Variants in SETD3 observed in about 807,000 individuals in gnomAD.
SETD3 encodes the protein actin-histidine N-methyltransferase.
A neutral mutation model predicts 63.0 loss-of-function variants in SETD3; 19 were observed. The ratio of observed to expected loss-of-function variants is 0.30; its 90% CI spans 0.21 to 0.44. The LOEUF (loss-of-function observed/expected upper bound fraction) is 0.44. Ranked by LOEUF, SETD3 falls within the 20% of genes least tolerant of loss-of-function variation. SETD3 has a pLI of 1.00. For missense variants in SETD3, 587 were observed against 728.5 expected, an observed-to-expected ratio of 0.81 and a Z score of 2.24; for synonymous variants, 286 against 264.1, an observed-to-expected ratio of 1.08 and a Z score of -0.80.
intron 6 of SETD3, among the ~76,000 whole-genome samples, chr14:99,423,547 A>C (rs554733136): frequency 1.7e-4 from 24 of 137,460 alleles, no homozygotes; most frequent in Admixed American, 1.7e-3. Context: ...TTTCATTAGG[A>C]GTCCAAAATA....
At chr14:99,480,988 C>T (rs1347481465), upstream of SETD3, 1 of 154,856 alleles carries the variant, frequency 6.5e-6, no homozygotes, top group African/African-American at 2.4e-5. Context: ...GCCACCCAGC[C>T]GGCGTTCCGT....
intron 3 of SETD3, among the ~76,000 whole-genome samples, chr14:99,462,801 A>T (rs1000460058): frequency 6.6e-6 from 1 of 152,198 alleles, no homozygotes; most frequent in Non-Finnish European, 1.5e-5. Flanking sequence ...GCAAATAAAA[A>T]ACAAACCCTC....
intron 8 of SETD3, among the ~76,000 whole-genome samples, chr14:99,410,543 C>T (rs1017863114): frequency 1.3e-5 from 2 of 152,128 alleles, no homozygotes; most frequent in East Asian, 3.9e-4. Flanking sequence ...TAGAAGTATC[C>T]TTGTCATATC....
chr14:99,405,399 G>A (rs1249012290), intron 9 of SETD3, 28 bp from the exon 10 acceptor site: 11 of 1,604,310 alleles, frequency 6.9e-6, no homozygotes, highest in East Asian at 2.2e-5. Flanking sequence ...AAAAAGAAAA[G>A]GGCATTAGAC....
At chr14:99,481,264 G>A (rs1896302274), upstream of SETD3, 1 of 395,866 alleles carries the variant, frequency 2.5e-6, no homozygotes, top group Non-Finnish European at 4.4e-6. Context: ...CCACTGACCC[G>A]CGGGGCGGGC....
At chr14:99,468,831 G>A (rs1895538146) in intron 1 of SETD3, among the ~76,000 whole-genome samples, 1 of 152,148 alleles carries the variant, frequency 6.6e-6, no homozygotes, top group African/African-American at 2.4e-5. Context: ...ACTAAAAGAC[G>A]TGCTCACATA....
intron 6 of SETD3, among the ~76,000 whole-genome samples, chr14:99,426,474 T>TGCAGAGCACGGAAAGCA (rs1892889187): frequency 6.6e-6 from 1 of 152,132 alleles, no homozygotes; most frequent in Non-Finnish European, 1.5e-5. Context: ...TGCTGGGGTG[T>TGCAGAGCACGGAAAGCA]GCAGAGCACG....
chr14:99,463,348 C>T (rs1895180510), intron 3 of SETD3, 138 bp downstream of exon 3: 1 of 616,548 alleles, frequency 1.6e-6, no homozygotes. Flanking sequence ...GCTCTCTCTC[C>T]CGGTCTGCAA....
At chr14:99,471,075 A>G (rs1328508650) in intron 1 of SETD3, among the ~76,000 whole-genome samples, 1 of 152,196 alleles carries the variant, frequency 6.6e-6, no homozygotes, top group Non-Finnish European at 1.5e-5. Context: ...ACACTTCCAC[A>G]GCACAGTCCC....
At chr14:99,444,730 C>T (rs1449166985) in intron 6 of SETD3, among the ~76,000 whole-genome samples, 2 of 151,674 alleles carry the variant, frequency 1.3e-5, no homozygotes, top group Non-Finnish European at 2.9e-5. Flanking sequence ...CATGGTGGTG[C>T]ACGCTGACGT....
chr14:99,477,276 G>A (rs1447856398), intron 1 of SETD3, among the ~76,000 whole-genome samples: 3 of 152,048 alleles, frequency 2.0e-5, no homozygotes, highest in South Asian at 2.1e-4. Context: ...TATCTCAGTC[G>A]AAACTGTTCA....
chr14:99,481,260 A>T, upstream of SETD3: 1 of 396,084 alleles, frequency 2.5e-6, no homozygotes, highest in Non-Finnish European at 4.4e-6. Flanking sequence ...GCAGCCACTG[A>T]CCCGCGGGGC....
intron 1 of SETD3, among the ~76,000 whole-genome samples, chr14:99,469,730 A>T (rs1051117811): frequency 1.3e-5 from 2 of 152,184 alleles, no homozygotes; most frequent in African/African-American, 4.8e-5. Flanking sequence ...TGGGTGACAG[A>T]GGGAGACCCT....
At chr14:99,480,230 G>A (rs183151938) in intron 1 of SETD3, among the ~76,000 whole-genome samples, 2 of 152,230 alleles carry the variant, frequency 1.3e-5, no homozygotes, top group Admixed American at 1.3e-4. Flanking sequence ...AGCCTTCCCC[G>A]AGCAGCGGGG....
At chr14:99,413,750 C>T in intron 7 of SETD3, 126 bp downstream of exon 7, 1 of 826,588 alleles carries the variant, frequency 1.2e-6, no homozygotes, top group East Asian at 2.5e-5. Context: ...GAAAGATGAG[C>T]TCTGTTTGGA....
At chr14:99,453,050 G>T (rs771853007) in intron 6 of SETD3, among the ~76,000 whole-genome samples, 2 of 151,854 alleles carry the variant, frequency 1.3e-5, no homozygotes, top group Non-Finnish European at 2.9e-5. Context: ...CCTCAATGCC[G>T]AAAACAAAAA....
chr14:99,445,104 C>T (rs181804924), intron 6 of SETD3, among the ~76,000 whole-genome samples: 1 of 152,322 alleles, frequency 6.6e-6, no homozygotes, highest in East Asian at 1.9e-4. Flanking sequence ...AGAAAGTTAT[C>T]TAATCCTCCT....
rs138102034 is a variant in SETD3, at chr14:99,420,633, T to C, written c.676-6699A>G. On this transcript the variant is annotated intron_variant, in intron 6 of 12. Coordinates refer to ENST00000331768, the MANE Select transcript of SETD3 (RefSeq NM_032233.3). ...CAGCTTTCCACATCCTTCTATCCTA[T>C]GTTCCCTCTTATGAACAGAATATTC... 6.0e-3 allele frequency among the ~76,000 whole-genome samples: 910 copies of C among 152,290 alleles called. 6 individuals are homozygous for C. Among genetic ancestry groups the C allele is most frequent in the Non-Finnish European group, 8.9e-3 (606 of 68,022 alleles).
rs548244690 is a variant in SETD3 at position 99,456,439 on chromosome 14, T to C, written c.675+1840A>G. 8.5e-5 allele frequency among the ~76,000 whole-genome samples: 13 copies of C among 152,350 alleles called. No homozygotes were observed. The South Asian group carries it at 2.7e-3, about 32-fold the overall frequency. On this transcript the variant is annotated intron_variant, in intron 6 of 12. Coordinates refer to ENST00000331768, the MANE Select transcript of SETD3 (RefSeq NM_032233.3). ...AATTTCTTTAAAAAGATTAGTGCTC[T>C]AAGAATGTTGTTTTTAAAAAGGATA...
Sources: allele counts gnomAD v4.1 joint callset (sites outside exome capture counted in the v4.1 genomes callset), GRCh38; gene constraint gnomAD v4.1.1; transcripts MANE v1.5; gene names NCBI Gene and HGNC (gene_info 2026-07-23, HGNC 2026-07-21).